The following RAP1GAP2 variants were observed in gnomAD, a reference collection of about 807,000 sequenced individuals.
The protein encoded by RAP1GAP2 is RAP1 GTPase activating protein 2, also known as rap1 GTPase-activating protein 2.
A neutral mutation model predicts 95.0 loss-of-function variants in RAP1GAP2; 27 were observed. The ratio of observed to expected loss-of-function variants is 0.28; its 90% CI spans 0.21 to 0.39. The LOEUF (loss-of-function observed/expected upper bound fraction) is 0.39. RAP1GAP2 is among the 10% of genes least tolerant of loss of function. RAP1GAP2 has a pLI of 1.00. For synonymous variants in RAP1GAP2, 373 were observed against 380.9 expected (o/e 0.98, Z 0.24); for missense variants, 771 against 970.0 (o/e 0.79, Z 2.72).
chr17:2,938,898 A>C lies in RAP1GAP2; in HGVS notation c.166-18861A>C, dbSNP rs368399862. 4.6e-3 allele frequency among the ~76,000 whole-genome samples: 696 copies of C among 152,178 alleles called. 3 individuals carry two copies. The highest frequency in any genetic ancestry group is 0.014 in the African/African-American group (582 of 41,540). ...GCCACTCGGGGACTGAGGCAGGAGA[A>C]TCTCTTGAACCCAGGAGGCAGAGGT... On this transcript the variant is annotated intron_variant, in intron 3 of 24. Coordinates refer to ENST00000254695, the MANE Select transcript of RAP1GAP2 (RefSeq NM_015085.5).
At position 3,021,551 on chromosome 17, in the gene RAP1GAP2, C is replaced by T. The variant is rs143425926; in HGVS notation, c.1751+956C>T. ...CTGGGTTCAAGCAGTTCTCCTGTCT[C>T]AGCCTCCCTGAGCAGCTGGGACTAC... On this transcript the variant is annotated intron_variant, in intron 19 of 24. Transcript: ENST00000254695. Among the ~76,000 whole-genome samples the T allele has an allele frequency of 5.3e-5, 8 of 151,458 alleles. No homozygotes were observed. The East Asian group carries it at 1.6e-3, about 30-fold the overall frequency.
chr17:2,991,719 G>A (rs546535058), intron 12 of RAP1GAP2, among the ~76,000 whole-genome samples: 5 of 152,272 alleles, frequency 3.3e-5, no homozygotes, highest in African/African-American at 1.2e-4. Flanking sequence ...GTGGGAAAGG[G>A]AGCCCCGTGC....
At chr17:2,969,182 T>TCTATCTAC (rs56352144) in intron 8 of RAP1GAP2, among the ~76,000 whole-genome samples, 1 of 70,684 alleles carries the variant, frequency 1.4e-5, no homozygotes, top group African/African-American at 4.1e-5. Flanking sequence ...TATCTATCTA[T>TCTATCTAC]ATATATATAT....
intron 3 of RAP1GAP2, among the ~76,000 whole-genome samples, chr17:2,945,608 CTT>C (rs542891688): frequency 1.4e-5 from 2 of 140,764 alleles, no homozygotes; most frequent in Non-Finnish European, 1.6e-5. Flanking sequence ...TTAGCTATGT[CTT>C]TTTTTTTTTA....
chr17:2,894,888 C>T lies in RAP1GAP2; in HGVS notation c.81-10396C>T, dbSNP rs537447359. Among the ~76,000 whole-genome samples the T allele has an allele frequency of 2.8e-3, 419 of 152,286 alleles. 5 individuals carry two copies. Among genetic ancestry groups the T allele is most frequent in the South Asian group, 0.018 (85 of 4,826 alleles). The stretch of plus-strand genomic sequence containing the variant: ...TCTTCCCCTGGCCCCTCCCTTCCAG[C>T]CGCTCCGTTCTCTCTCTGCTGCTTG... On this transcript the variant is annotated intron_variant, in intron 2 of 24. Transcript: ENST00000254695.
intron 2 of RAP1GAP2, among the ~76,000 whole-genome samples, chr17:2,853,604 C>G (rs1480333509): frequency 6.7e-6 from 1 of 149,248 alleles, no homozygotes; most frequent in Non-Finnish European, 1.5e-5. Flanking sequence ...GCGCTTCGCC[C>G]GCTCCCTGTG....
intron 2 of RAP1GAP2, among the ~76,000 whole-genome samples, chr17:2,895,616 G>T (rs1055027733): frequency 6.6e-6 from 1 of 151,310 alleles, no homozygotes; most frequent in Non-Finnish European, 1.5e-5. Flanking sequence ...TTGCTCTGTT[G>T]CCCAGGCTGG....
At chr17:3,012,120 G>A (rs1416345826) in intron 17 of RAP1GAP2, among the ~76,000 whole-genome samples, 1 of 152,146 alleles carries the variant, frequency 6.6e-6, no homozygotes, top group African/African-American at 2.4e-5. Context: ...GCTTGGAGCA[G>A]TTCCTTACAG....
At chr17:2,883,875 G>C (rs1356697542) in intron 2 of RAP1GAP2, among the ~76,000 whole-genome samples, 3 of 152,206 alleles carry the variant, frequency 2.0e-5, no homozygotes, top group Non-Finnish European at 4.4e-5. Context: ...CTCACCTTCT[G>C]GTCCAGGGAG....
intron 1 of RAP1GAP2, among the ~76,000 whole-genome samples, chr17:2,790,842 A>G (rs1316695827): frequency 2.0e-5 from 3 of 152,220 alleles, no homozygotes; most frequent in African/African-American, 7.2e-5. Context: ...TGCTGCTGAC[A>G]GGAGCCTGAA....
At chr17:2,982,243 A>G (rs2045389408) in intron 10 of RAP1GAP2, among the ~76,000 whole-genome samples, 1 of 152,130 alleles carries the variant, frequency 6.6e-6, no homozygotes, top group Non-Finnish European at 1.5e-5. Flanking sequence ...GGTTGAAGCG[A>G]TTCTCCTGCC....
At chr17:2,948,215 A>C (rs1346015799) in intron 3 of RAP1GAP2, among the ~76,000 whole-genome samples, 1 of 152,182 alleles carries the variant, frequency 6.6e-6, no homozygotes, top group Non-Finnish European at 1.5e-5. Flanking sequence ...TGGTTCTGTG[A>C]ACATGAGTGT....
At chr17:2,889,881 ATATATATAT>A (rs1567746651) in intron 2 of RAP1GAP2, among the ~76,000 whole-genome samples, 2 of 75,346 alleles carry the variant, frequency 2.7e-5, no homozygotes, top group Admixed American at 1.8e-4. Context: ...ATATATATAT[ATATATATAT>A]TTTTTTTTTT....
At chr17:2,996,322 G>A (rs972402872) in intron 13 of RAP1GAP2, among the ~76,000 whole-genome samples, 2 of 152,188 alleles carry the variant, frequency 1.3e-5, no homozygotes, top group African/African-American at 4.8e-5. Flanking sequence ...GTTCCTGGCT[G>A]TTACAAGCCC....
intron 3 of RAP1GAP2, among the ~76,000 whole-genome samples, chr17:2,940,760 G>T (rs1439076161): frequency 6.6e-6 from 1 of 152,200 alleles, no homozygotes; most frequent in African/African-American, 2.4e-5. Flanking sequence ...TGGCCAGGTG[G>T]GGACTGTGAG....
rs1461359830 is a variant in RAP1GAP2 at position 3,020,524 on chromosome 17, C to T, written c.1680C>T (p.Ile560=). ...TGAAGAACCAGTCACGGAGTCCCATCAAGCGACGCTCGGGGCTCTTCCCCC... is the reference window on the plus strand; with the variant it reads ...TGAAGAACCAGTCACGGAGTCCCATTAAGCGACGCTCGGGGCTCTTCCCCC... ...ATVKNQSRSP[I]KRRSGLFPRL... is the part of the protein sequence containing the mutation. Residue 560 remains isoleucine (I), a synonymous_variant, in exon 19 of 25, where the codon ATC becomes ATT. Coordinates refer to ENST00000254695, the MANE Select transcript of RAP1GAP2 (RefSeq NM_015085.5). The T allele has an allele frequency of 1.2e-6, 2 of 1,613,914 alleles. No individual in the cohort carries two copies. The highest frequency in any genetic ancestry group is 3.3e-5 in the Admixed American group (2 of 60,014).
chr17:2,821,980 A>G (rs888210247), intron 2 of RAP1GAP2, among the ~76,000 whole-genome samples: 3 of 152,178 alleles, frequency 2.0e-5, no homozygotes, highest in Non-Finnish European at 4.4e-5. Flanking sequence ...GCCAGAAGGC[A>G]TCTGAACCGC....
At chr17:2,770,558 T>TTGCCCCTCA (rs1231974612) in intron 2 of RAP1GAP2, 5 of 397,250 alleles carry the variant, frequency 1.3e-5, no homozygotes, top group African/African-American at 1.0e-4. Context: ...ATGGGGAACT[T>TTGCCCCTCA]TGCCCTCAGT....
chr17:3,025,918 C>T (rs1034546855), intron 19 of RAP1GAP2, 90 bp from the exon 20 acceptor site: 29 of 958,312 alleles, frequency 3.0e-5, no homozygotes, highest in South Asian at 7.5e-5. Context: ...TGCCCCTCAC[C>T]GTGCCGAGAG....
Sources: gnomAD v4.1 joint callset for allele counts (sites outside exome capture counted in the v4.1 genomes callset) on GRCh38, gnomAD v4.1.1 for gene constraint, MANE v1.5 for transcripts, NCBI Gene and HGNC (gene_info 2026-07-23, HGNC 2026-07-21) for gene names.